The following C19orf81 variants were observed in gnomAD, a reference collection of about 807,000 sequenced individuals.
C19orf81 encodes the protein chromosome 19 open reading frame 81.
C19orf81 carries 19 observed loss-of-function variants against 22.1 expected under a neutral mutation model. The ratio of observed to expected loss-of-function variants is 0.86; its 90% CI spans 0.60 to 1.26. The LOEUF (loss-of-function observed/expected upper bound fraction) is 1.26. Among genes scored for constraint, C19orf81 ranks in the 50% most tolerant of loss-of-function variants. C19orf81 has a pLI of 0.00. For synonymous variants in C19orf81, 108 were observed against 113.1 expected (o/e 0.95, Z 0.29); for missense variants, 287 against 280.7 (o/e 1.02, Z -0.16).
intron 3 of C19orf81, among the ~76,000 whole-genome samples, chr19:50,656,582 G>T (rs1984999235): frequency 6.6e-6 from 1 of 152,112 alleles, no homozygotes; most frequent in East Asian, 1.9e-4. Context: ...AGGCTGAGGG[G>T]GGCAGGGAGG....
intron 1 of C19orf81, among the ~76,000 whole-genome samples, chr19:50,655,486 T>C (rs1275028328): frequency 6.6e-6 from 1 of 151,926 alleles, no homozygotes; most frequent in African/African-American, 2.4e-5. Flanking sequence ...CCGTCTCTAC[T>C]AAAAATACAA....
chr19:50,652,407 G>C (rs1599827741), intron 1 of C19orf81, among the ~76,000 whole-genome samples: 1 of 152,140 alleles, frequency 6.6e-6, no homozygotes, highest in Admixed American at 6.5e-5. Flanking sequence ...GGGAATCATA[G>C]AAATAAAGGT....
intron 1 of C19orf81, 31 bp downstream of exon 1, chr19:50,649,542 G>C (rs1298345213): frequency 3.3e-6 from 5 of 1,531,640 alleles, no homozygotes; most frequent in African/African-American, 1.4e-5. Context: ...GGGAAGGGGT[G>C]GACTTCCTCC....
Position 50,656,038 on chromosome 19 carries a change from C to T in C19orf81, c.68-12C>T. The T allele has an allele frequency of 1.3e-6, 2 of 1,536,012 alleles. No individual in the cohort carries two copies. The highest frequency in any genetic ancestry group is 1.7e-6 in the Non-Finnish European group (2 of 1,146,812). On this transcript the variant is annotated splice_polypyrimidine_tract_variant and intron_variant, in intron 1 of 4. Coordinates refer to ENST00000425202, the MANE Select transcript of C19orf81 (RefSeq NM_001195076.2). The stretch of plus-strand genomic sequence containing the variant: ...GGCTCAGGGCAGCTGACACTGGGTT[C>T]TCTGTCCTCAGGAGCCCTCCTTATG...
chr19:50,652,674 T>A (rs1984901990), intron 1 of C19orf81, among the ~76,000 whole-genome samples: 1 of 152,160 alleles, frequency 6.6e-6, no homozygotes. Context: ...CGTGTGGTCT[T>A]ATGGTCACTG....
chr19:50,650,678 A>AAAAC (rs767800292), intron 1 of C19orf81, among the ~76,000 whole-genome samples: 14 of 152,298 alleles, frequency 9.2e-5, no homozygotes, highest in African/African-American at 2.6e-4. Context: ...CTCAAAAAAC[A>AAAAC]AAACAAACAA....
intron 1 of C19orf81, among the ~76,000 whole-genome samples, chr19:50,650,998 T>A (rs1984866966): frequency 6.6e-6 from 1 of 152,202 alleles, no homozygotes; most frequent in Admixed American, 6.5e-5. Flanking sequence ...TTCATTTCGA[T>A]TTTGCTGTTT....
In C19orf81 at chr19:50,653,100, C is replaced by T. The variant is rs529371562; in HGVS notation, c.68-2950C>T. On this transcript the variant is annotated intron_variant, in intron 1 of 4. Coordinates refer to ENST00000425202, the MANE Select transcript of C19orf81 (RefSeq NM_001195076.2). ...TCGCCCAGGATGCAGTGCAGTGGCA[C>T]GATCCCGGCTCACTGCAATCTCTGC... Among the ~76,000 whole-genome samples, 9 of 152,292 alleles carry T rather than the reference C, an allele frequency of 5.9e-5. 1 individual carries two copies. The South Asian group carries it at 1.7e-3, about 28-fold the overall frequency.
intron 4 of C19orf81, among the ~76,000 whole-genome samples, 175 bp from the exon 5 acceptor site, chr19:50,658,772 G>A (rs1223855915): frequency 6.6e-6 from 1 of 152,084 alleles, no homozygotes; most frequent in Non-Finnish European, 1.5e-5. Flanking sequence ...AGCGTAAGGA[G>A]CCTAGAGCGA....
At chr19:50,650,614 C>T (rs540192029) in intron 1 of C19orf81, among the ~76,000 whole-genome samples, 38 of 152,102 alleles carry the variant, frequency 2.5e-4, no homozygotes, top group African/African-American at 3.9e-4. Flanking sequence ...GAGGCTGCAG[C>T]GAGCCAAGAT....
chr19:50,657,803 T>A (rs1193570614), intron 3 of C19orf81, among the ~76,000 whole-genome samples, 186 bp from the exon 4 acceptor site: 7 of 152,236 alleles, frequency 4.6e-5, no homozygotes, highest in African/African-American at 1.7e-4. Context: ...CTTTCCCATC[T>A]GAGAGATAAT....
At position 50,659,170 on chromosome 19, in the gene C19orf81, C is replaced by T. The variant is rs542102712; in HGVS notation, c.*28C>T. 7 of 1,284,238 alleles carry T rather than the reference C, an allele frequency of 5.5e-6. No homozygotes were observed. The highest frequency in any genetic ancestry group is 3.2e-5 in the East Asian group (1 of 31,704). The allele number at this position is 1,284,238 out of a possible 1,614,324, so 79.6% of individuals were successfully genotyped here. ...CCCGGGCGGGCCCCGGCAGCGCTTG[C>T]GCACCGCCCCGCGGGCTGGGGCCAC... On this transcript the variant is annotated 3_prime_UTR_variant, in exon 5 of 5. Transcript: ENST00000425202.
intron 4 of C19orf81, 120 bp from the exon 5 acceptor site, chr19:50,658,827 G>T: frequency 1.1e-6 from 1 of 882,116 alleles, no homozygotes. Context: ...GGGACGGAGC[G>T]ATGGTCCGCT....
Position 50,656,240 on chromosome 19 carries a change from G to A in C19orf81, c.155G>A (p.Arg52Gln), listed in dbSNP as rs530632779. 18 of 1,536,070 alleles carry A rather than the reference G, an allele frequency of 1.2e-5. No individual in the cohort carries two copies. The highest frequency in any genetic ancestry group is 9.6e-5 in the African/African-American group (7 of 73,150). Residue 52 changes from arginine (R) to glutamine (Q), a missense_variant, in exon 3 of 5, where the codon CGG (arginine) becomes CAG (glutamine). Transcript: ENST00000425202. ...RPIKSSKQYL[R>Q]QVIAEYEALD... ...TCTCTCCCTAGAAAGCAGTACCTGC[G>A]GCAGGTCATTGCAGAGTACGAGGCA... is the stretch of plus-strand genomic sequence containing the variant.
At chr19:50,656,721 G>A (rs1482390138) in intron 3 of C19orf81, among the ~76,000 whole-genome samples, 2 of 152,190 alleles carry the variant, frequency 1.3e-5, no homozygotes, top group East Asian at 3.9e-4. Context: ...GGAGGCTGAG[G>A]TGGGTGGATC....
chr19:50,658,409 G>T, intron 4 of C19orf81: 1 of 416,694 alleles, frequency 2.4e-6, no homozygotes, highest in Non-Finnish European at 4.3e-6. Context: ...GGAGGGACTA[G>T]ATAAGAGCGA....
chr19:50,659,068 C>T lies in C19orf81; in HGVS notation c.523C>T (p.Leu175=). 2 of 1,527,340 alleles carry T rather than the reference C, an allele frequency of 1.3e-6. No homozygotes were observed. Among genetic ancestry groups the T allele is most frequent in the Non-Finnish European group, 8.8e-7 (1 of 1,142,424 alleles). 94.6% of individuals were successfully genotyped at this position (1,527,340 alleles called of 1,614,324 possible). A position where few individuals can be genotyped will look rare whatever the true frequency, so the allele number is the denominator to read the frequency against. Residue 175 remains leucine (L), a synonymous_variant, in exon 5 of 5, where the codon CTG becomes TTG. Coordinates refer to ENST00000425202, the MANE Select transcript of C19orf81 (RefSeq NM_001195076.2). ...HDDLLLGDYR[L]HLRRSLVRRR... ...CGACCTCCTGCTGGGCGACTACCGC[C>T]TGCACCTGCGCCGCTCCCTGGTCCG...
chr19:50,652,768 CA>C (rs1358133261), intron 1 of C19orf81, among the ~76,000 whole-genome samples: 1 of 152,150 alleles, frequency 6.6e-6, no homozygotes, highest in Admixed American at 6.5e-5. Flanking sequence ...GTCAGGTCTA[CA>C]TGTCAAAATC....
Position 50,656,314 on chromosome 19 carries a change from T to G in C19orf81, c.229T>G (p.Ser77Ala), listed in dbSNP as rs4801844. The change falls in exon 3 of 5, where the codon TCC becomes GCC. Residue 77 changes from serine (S) to alanine (A), a missense_variant. Physicochemically the swap from Ser to Ala is moderately conservative, Grantham distance 99. Coordinates refer to ENST00000425202, the MANE Select transcript of C19orf81 (RefSeq NM_001195076.2). ...CCGGAAGTTCCCCACACCACCAGCT[T>G]CCCAGCCCCTCTGCCTCTGCATGGA... Reference protein sequence around the residue: ...CIRKFPTPPASQPLCLCMETL... With the variant: ...CIRKFPTPPAAQPLCLCMETL... 1,353,052 of 1,535,966 alleles carry G rather than the reference T, an allele frequency of 0.88. 596,721 individuals are homozygous for G. The highest frequency in any genetic ancestry group is 0.9 in the Middle Eastern group (5,396 of 5,990).
Sources: allele counts gnomAD v4.1 joint callset (sites outside exome capture counted in the v4.1 genomes callset), GRCh38; gene constraint gnomAD v4.1.1; transcripts MANE v1.5; gene names NCBI Gene and HGNC (gene_info 2026-07-23, HGNC 2026-07-21).